FGF13: variants seen among roughly 807,000 people sequenced by gnomAD.
The protein encoded by FGF13 is fibroblast growth factor 13, also known as fibroblast growth factor homologous factor 2.
FGF13 carries 2 observed loss-of-function variants against 19.5 expected under a neutral mutation model. That is an observed-to-expected ratio of 0.10 (90% CI 0.04 to 0.32). The LOEUF (loss-of-function observed/expected upper bound fraction) is 0.32, where lower values mean the gene tolerates loss of function less well. Ranked by LOEUF, FGF13 falls within the 10% of genes least tolerant of loss-of-function variation. The pLI is 1.00. For synonymous variants in FGF13, 72 were observed against 76.9 expected (o/e 0.94, Z 0.33); for missense variants, 113 against 192.7 (o/e 0.59, Z 2.45).
chrX:139,039,252 G>A (rs1414989877), intron 1 of FGF13, among the ~76,000 whole-genome samples: 1 of 111,838 alleles, frequency 8.9e-6, no homozygotes, highest in African/African-American at 3.2e-5. Context: ...GCCTCAGAAA[G>A]GTAAATGATT....
At chrX:138,878,905 T>C (rs969525894) in intron 1 of FGF13, among the ~76,000 whole-genome samples, 2 of 112,117 alleles carry the variant, frequency 1.8e-5, no homozygotes, top group East Asian at 2.8e-4. Flanking sequence ...TGGCCAGTGA[T>C]GATGAGCATT....
At chrX:138,888,961 C>T (rs1036016484) in intron 1 of FGF13, among the ~76,000 whole-genome samples, 6 of 111,988 alleles carry the variant, frequency 5.4e-5, no homozygotes, top group African/African-American at 1.9e-4. Context: ...TGCTGTCTTC[C>T]ATGGGCATTA....
intron 1 of FGF13, among the ~76,000 whole-genome samples, chrX:139,013,345 T>C (rs1001714363): frequency 9.3e-6 from 1 of 108,107 alleles, no homozygotes; most frequent in Non-Finnish European, 1.9e-5. Context: ...CTACTAGGTA[T>C]CTACCCAGAG....
chrX:138,668,108 C>A (rs1258826718), intron 3 of FGF13, among the ~76,000 whole-genome samples: 3 of 111,668 alleles, frequency 2.7e-5, no homozygotes, highest in Non-Finnish European at 5.7e-5. Context: ...ACTGTAACGG[C>A]AAATAATATG....
At chrX:138,776,148 C>T (rs890674375) in intron 3 of FGF13, among the ~76,000 whole-genome samples, 1 of 112,097 alleles carries the variant, frequency 8.9e-6, no homozygotes, top group Non-Finnish European at 1.9e-5. Context: ...CTATTTCTAC[C>T]AAGACTGATA....
chrX:139,131,101 G>A (rs1002882455), intron 1 of FGF13, among the ~76,000 whole-genome samples: 1 of 110,745 alleles, frequency 9.0e-6, no homozygotes, highest in African/African-American at 3.3e-5. Flanking sequence ...TTGAAATCAT[G>A]TTTCCTCAAA....
intron 1 of FGF13, among the ~76,000 whole-genome samples, chrX:139,035,832 A>G (rs2092248907): frequency 9.0e-6 from 1 of 111,492 alleles, no homozygotes; most frequent in South Asian, 3.8e-4. Context: ...GAGCAGACAA[A>G]AAAAGAGGTT....
intron 1 of FGF13, among the ~76,000 whole-genome samples, chrX:139,156,404 A>T (rs1480328436): frequency 8.9e-6 from 1 of 112,064 alleles, no homozygotes; most frequent in Non-Finnish European, 1.9e-5. Context: ...CCAACAGGAC[A>T]TTGCCAAGGT....
intron 1 of FGF13, among the ~76,000 whole-genome samples, chrX:139,148,508 G>GA (rs1186484074): frequency 1.1e-4 from 11 of 103,848 alleles, no homozygotes; most frequent in African/African-American, 3.5e-4. Flanking sequence ...AAGAATGACT[G>GA]AAAAAAACTA....
chrX:138,840,619 G>T lies in FGF13; in HGVS notation c.217+16893C>A, dbSNP rs373622209. Among the ~76,000 whole-genome samples, 10 of 111,837 alleles carry T rather than the reference G, an allele frequency of 8.9e-5. No homozygotes were observed. The East Asian group carries it at 2.3e-3, about 25-fold the overall frequency. On this transcript the variant is annotated intron_variant, in intron 3 of 6. Transcript: ENST00000436198. ...AGCCTCCCCATACCTGACTCTCATTGTGTTATCTGGAAGGGAAGGAAGGAA... is the reference window on the plus strand; with the variant it reads ...AGCCTCCCCATACCTGACTCTCATTTTGTTATCTGGAAGGGAAGGAAGGAA...
Position 138,729,235 on chromosome X carries a change from A to G in FGF13, c.28+10007T>C, listed in dbSNP as rs1006769510. ...TGGGATTATCAAACAGGGACCATAA[A>G]ATAACTATGATACATATTTTAAAAG... On this transcript the variant is annotated intron_variant, in intron 1 of 4. Coordinates refer to the FGF13 transcript ENST00000305414. Among the ~76,000 whole-genome samples, 10 of 111,495 alleles carry G rather than the reference A, an allele frequency of 9.0e-5. No homozygotes were observed. In the Admixed American group the frequency reaches 9.6e-4, roughly 11 times the overall value.
chrX:138,973,346 G>A (rs1384140994), intron 1 of FGF13, among the ~76,000 whole-genome samples: 1 of 111,839 alleles, frequency 8.9e-6, no homozygotes, highest in African/African-American at 3.3e-5. Flanking sequence ...TCATTCCATT[G>A]TGGTCAGAAA....
At chrX:138,984,611 GGAGGATGAGGAA>G (rs1192400271) in intron 1 of FGF13, among the ~76,000 whole-genome samples, 1 of 58,935 alleles carries the variant, frequency 1.7e-5, no homozygotes, top group East Asian at 5.3e-4. Flanking sequence ...AGGAGGAGGA[GGAGGATGAGGAA>G]GAGGAGGAGG....
intron 3 of FGF13, among the ~76,000 whole-genome samples, chrX:138,674,632 T>C (rs1489620317): frequency 9.1e-6 from 1 of 110,027 alleles, no homozygotes; most frequent in African/African-American, 3.3e-5. Context: ...CTCTGTGGGG[T>C]CAAGAAATTT....
intron 3 of FGF13, among the ~76,000 whole-genome samples, chrX:138,647,518 T>C (rs2089320951): frequency 8.9e-6 from 1 of 111,735 alleles, no homozygotes; most frequent in African/African-American, 3.3e-5. Context: ...ATCCTAAAAA[T>C]GCAATGCTTT....
intron 1 of FGF13, among the ~76,000 whole-genome samples, chrX:139,081,993 A>G (rs2083374020): frequency 9.0e-6 from 1 of 111,618 alleles, no homozygotes; most frequent in Non-Finnish European, 1.9e-5. Context: ...AAAAGTTTCC[A>G]GTGGTTTCTT....
chrX:139,130,391 T>C lies in FGF13; in HGVS notation c.-113+73025A>G, dbSNP rs997361970. Among the ~76,000 whole-genome samples the C allele has an allele frequency of 2.1e-4, 24 of 112,585 alleles. 1 individual carries two copies. The highest frequency in any genetic ancestry group is 4.5e-4 in the Non-Finnish European group (24 of 53,329). On this transcript the variant is annotated intron_variant, in intron 1 of 2. Coordinates refer to the FGF13 transcript ENST00000421460. ...AAGTATTTAATGTATTCTGTCTCCA[T>C]TGCAAATGAATTATCTTACTCACTA...
chrX:139,021,447 G>A (rs150198173), intron 1 of FGF13, among the ~76,000 whole-genome samples: 4,625 of 111,230 alleles, frequency 0.042, 240 homozygotes, highest in African/African-American at 0.14. Context: ...ATCCACAATT[G>A]CAGCAGCAGT....
intron 1 of FGF13, among the ~76,000 whole-genome samples, chrX:139,034,291 C>A (rs942571794): frequency 8.1e-5 from 9 of 110,829 alleles, no homozygotes; most frequent in Non-Finnish European, 1.5e-4. Flanking sequence ...AGCAGGGAAG[C>A]AAGTCTGAAA....
Sources: allele counts gnomAD v4.1 joint callset (sites outside exome capture counted in the v4.1 genomes callset), GRCh38; gene constraint gnomAD v4.1.1; transcripts MANE v1.5; gene names NCBI Gene and HGNC (gene_info 2026-07-23, HGNC 2026-07-21).